The following IL1RAPL2 variants were observed in gnomAD, a reference collection of about 807,000 sequenced individuals.
IL1RAPL2 encodes the protein interleukin 1 receptor accessory protein like 2.
A neutral mutation model predicts 44.1 loss-of-function variants in IL1RAPL2; 3 were observed. That is an observed-to-expected ratio of 0.07 (90% CI 0.03 to 0.18). IL1RAPL2 has a LOEUF of 0.18. Among genes scored for constraint, IL1RAPL2 ranks in the 10% least tolerant of loss-of-function variants. IL1RAPL2 has a pLI of 1.00. For missense variants in IL1RAPL2, 391 were observed against 496.4 expected (o/e 0.79, Z 2.02); for synonymous variants, 181 against 178.8 (o/e 1.01, Z -0.10).
intron 2 of IL1RAPL2, among the ~76,000 whole-genome samples, chrX:104,717,174 C>T (rs1033074044): frequency 9.0e-6 from 1 of 111,352 alleles, no homozygotes; most frequent in African/African-American, 3.3e-5. Context: ...GAACAGAAAA[C>T]CAAATATTGC....
At chrX:105,258,391 T>C (rs2034331747) in intron 4 of IL1RAPL2, among the ~76,000 whole-genome samples, 2 of 111,820 alleles carry the variant, frequency 1.8e-5, no homozygotes, top group African/African-American at 3.3e-5. Flanking sequence ...CCTTGGAAAA[T>C]CTGACAATTA....
chrX:104,711,474 C>T (rs929714323), intron 2 of IL1RAPL2, among the ~76,000 whole-genome samples: 3 of 110,666 alleles, frequency 2.7e-5, no homozygotes, highest in Non-Finnish European at 5.7e-5. Context: ...GTAACACCTA[C>T]CTGCTCCTCC....
chrX:105,179,778 T>C (rs1270905666), intron 2 of IL1RAPL2, among the ~76,000 whole-genome samples: 1 of 107,575 alleles, frequency 9.3e-6, no homozygotes, highest in Non-Finnish European at 1.9e-5. Flanking sequence ...CTTTCTTGAT[T>C]TTTTTTTTTG....
chrX:104,976,559 A>T (rs949615603), intron 2 of IL1RAPL2, among the ~76,000 whole-genome samples: 3 of 111,926 alleles, frequency 2.7e-5, no homozygotes, highest in Admixed American at 9.5e-5. Flanking sequence ...CAAGACCAAG[A>T]TTCCTCTAGG....
At chrX:105,117,799 C>T (rs2032877181) in intron 2 of IL1RAPL2, among the ~76,000 whole-genome samples, 1 of 111,493 alleles carries the variant, frequency 9.0e-6, no homozygotes, top group African/African-American at 3.3e-5. Flanking sequence ...CATAAATTAC[C>T]CAATCTCAGG....
At position 104,566,619 on chromosome X, in the gene IL1RAPL2, TC is replaced by T. The variant is rs1928036748; in HGVS notation, c.-450del. ...CAAGGTGTTGCTGGGGCAAGGCTGC[TC>T]CGAAGCGAAGTCGCGCAAAAGGAAG... is the stretch of plus-strand genomic sequence containing the variant. On this transcript the variant is annotated 5_prime_UTR_variant, in exon 1 of 11. Transcript: ENST00000372582. The T allele has an allele frequency of 8.9e-6, 1 of 112,931 alleles. No individual in the cohort carries two copies. The highest frequency in any genetic ancestry group is 9.3e-5 in the Admixed American group (1 of 10,797). 9.3% of individuals were successfully genotyped at this position (112,931 alleles called of 1,213,427 possible).
At chrX:105,008,821 A>G (rs1602886251) in intron 2 of IL1RAPL2, among the ~76,000 whole-genome samples, 1 of 111,911 alleles carries the variant, frequency 8.9e-6, no homozygotes, top group African/African-American at 3.3e-5. Flanking sequence ...GGCAGCCTAC[A>G]GAATGGGAGA....
At chrX:104,991,365 G>A (rs1217517961) in intron 2 of IL1RAPL2, among the ~76,000 whole-genome samples, 2 of 111,592 alleles carry the variant, frequency 1.8e-5, no homozygotes, top group African/African-American at 3.3e-5. Context: ...AGTTTACACA[G>A]TAGCCAGAGG....
Position 105,418,361 on chromosome X carries a change from T to C in IL1RAPL2, c.698-65952T>C, listed in dbSNP as rs1252011445. 3.6e-5 allele frequency among the ~76,000 whole-genome samples: 4 copies of C among 111,398 alleles called. No individual in the cohort carries two copies. The East Asian group carries it at 1.1e-3, about 32-fold the overall frequency. The stretch of plus-strand genomic sequence containing the variant: ...CCAAATTCAAATTCCCCCTTTTTGG[T>C]TAAAGCTCTCCCTGCCTCAGTCTCA... On this transcript the variant is annotated intron_variant, in intron 5 of 10. Coordinates refer to ENST00000372582, the MANE Select transcript of IL1RAPL2 (RefSeq NM_017416.2).
At chrX:104,791,491 C>T (rs139601578) in intron 2 of IL1RAPL2, among the ~76,000 whole-genome samples, 1 of 111,712 alleles carries the variant, frequency 9.0e-6, no homozygotes, top group Non-Finnish European at 1.9e-5. Context: ...GATATAGATA[C>T]ACTTATGTTT....
chrX:104,675,084 G>A (rs1312092165), intron 2 of IL1RAPL2, among the ~76,000 whole-genome samples: 1 of 111,023 alleles, frequency 9.0e-6, no homozygotes, highest in East Asian at 2.8e-4. Flanking sequence ...AGGGTTTTTT[G>A]TGTCTCTATT....
At chrX:105,583,912 A>G (rs980543322) in intron 6 of IL1RAPL2, among the ~76,000 whole-genome samples, 1 of 112,065 alleles carries the variant, frequency 8.9e-6, no homozygotes, top group Non-Finnish European at 1.9e-5. Flanking sequence ...GCTGTATCAT[A>G]CAAACCTTGA....
At chrX:104,775,335 A>T (rs1932701236) in intron 2 of IL1RAPL2, among the ~76,000 whole-genome samples, 1 of 111,702 alleles carries the variant, frequency 9.0e-6, no homozygotes, top group South Asian at 3.8e-4. Flanking sequence ...CACACAGGGG[A>T]GTTGCGTTTT....
chrX:105,242,472 A>G (rs113338010), intron 4 of IL1RAPL2, among the ~76,000 whole-genome samples: 7,425 of 111,651 alleles, frequency 0.067, 274 homozygotes, highest in Middle Eastern at 0.17. Flanking sequence ...AAGAATTTTC[A>G]TTTGTCAGTT....
At chrX:104,614,727 T>C (rs1929233696) in intron 1 of IL1RAPL2, among the ~76,000 whole-genome samples, 1 of 112,219 alleles carries the variant, frequency 8.9e-6, no homozygotes, top group Non-Finnish European at 1.9e-5. Flanking sequence ...ATATTTAGGA[T>C]ATTTTAGTCT....
rs867096331 is a variant in IL1RAPL2 at position 105,666,087 on chromosome X, T to G, written c.773-51280T>G. On this transcript the variant is annotated intron_variant, in intron 6 of 10. Transcript: ENST00000372582. Reference sequence around the variant, plus strand: ...GTAATAGTTTTTAAAAATGGGTTTTTTTTTTTTTTTGCTGTTTTGAGCAAA... The same window carrying G: ...GTAATAGTTTTTAAAAATGGGTTTTGTTTTTTTTTTGCTGTTTTGAGCAAA... 1.1e-4 allele frequency among the ~76,000 whole-genome samples: 12 copies of G among 109,691 alleles called. No individual in the cohort carries two copies. The South Asian group carries it at 1.6e-3, about 14-fold the overall frequency.
At chrX:105,183,883 C>T (rs1556132279) in intron 2 of IL1RAPL2, among the ~76,000 whole-genome samples, 1 of 111,529 alleles carries the variant, frequency 9.0e-6, no homozygotes, top group East Asian at 2.8e-4. Flanking sequence ...TGAGGGCTGG[C>T]TCTCAACATG....
At chrX:105,556,344 A>T in intron 6 of IL1RAPL2, among the ~76,000 whole-genome samples, 1 of 111,791 alleles carries the variant, frequency 8.9e-6, no homozygotes, top group South Asian at 3.7e-4. Context: ...TTATTTTCCC[A>T]CAGGGAAACT....
At chrX:104,914,715 C>A (rs1403543729) in intron 2 of IL1RAPL2, among the ~76,000 whole-genome samples, 1 of 110,595 alleles carries the variant, frequency 9.0e-6, no homozygotes, top group African/African-American at 3.3e-5. Flanking sequence ...ATCCCTCCCC[C>A]ATCCCCCACC....
Sources: gnomAD v4.1 joint callset for allele counts (sites outside exome capture counted in the v4.1 genomes callset) on GRCh38, gnomAD v4.1.1 for gene constraint, MANE v1.5 for transcripts, NCBI Gene and HGNC (gene_info 2026-07-23, HGNC 2026-07-21) for gene names.